SLC38A4: variants seen among roughly 807,000 people sequenced by gnomAD.
SLC38A4 encodes the protein sodium-coupled neutral amino acid transporter 4.
SLC38A4 carries 20 observed loss-of-function variants against 63.1 expected under a neutral mutation model. The observed-to-expected ratio is 0.32, with a 90% CI of 0.22 to 0.46. The LOEUF is 0.46. Among genes scored for constraint, SLC38A4 ranks in the 20% least tolerant of loss-of-function variants. SLC38A4 has a pLI of 1.00. For missense variants in SLC38A4, 526 were observed against 663.6 expected (o/e 0.79, Z 2.28); for synonymous variants, 230 against 225.5 (o/e 1.02, Z -0.18).
intron 13 of SLC38A4, among the ~76,000 whole-genome samples, chr12:46,776,442 C>G (rs544916607): frequency 6.6e-6 from 1 of 151,908 alleles, no homozygotes; most frequent in Non-Finnish European, 1.5e-5. Flanking sequence ...AGAAATTTTA[C>G]CTAAAGTCCC....
At chr12:46,783,020 A>ATGTGTG (rs71437771) in intron 7 of SLC38A4, among the ~76,000 whole-genome samples, 12,565 of 103,538 alleles carry the variant, frequency 0.12, 835 homozygotes, top group Admixed American at 0.2. Context: ...GAGAGAGAAA[A>ATGTGTG]TGTGTGTGTG....
At chr12:46,813,143 C>T (rs1354624477) in intron 1 of SLC38A4, among the ~76,000 whole-genome samples, 2 of 151,844 alleles carry the variant, frequency 1.3e-5, no homozygotes, top group Non-Finnish European at 2.9e-5. Flanking sequence ...GACCATAAGC[C>T]TTAAGATAAC....
chr12:46,829,827 C>T (rs1017767182), upstream of SLC38A4, among the ~76,000 whole-genome samples: 1 of 152,170 alleles, frequency 6.6e-6, no homozygotes, highest in African/African-American at 2.4e-5. Flanking sequence ...CGTTTATGAA[C>T]AATTAATGCC....
At chr12:46,817,273 C>T (rs909220188) in intron 1 of SLC38A4, among the ~76,000 whole-genome samples, 25 of 151,784 alleles carry the variant, frequency 1.6e-4, no homozygotes, top group African/African-American at 6.0e-4. Context: ...TGTAGATAAA[C>T]ACATACCAGA....
chr12:46,789,731 A>G (rs1938841386), intron 3 of SLC38A4, among the ~76,000 whole-genome samples: 1 of 152,206 alleles, frequency 6.6e-6, no homozygotes. Flanking sequence ...GACATTTCCT[A>G]CATGAAAAGA....
intron 12 of SLC38A4, among the ~76,000 whole-genome samples, chr12:46,777,495 G>A (rs1938554142): frequency 6.6e-6 from 1 of 151,988 alleles, no homozygotes; most frequent in African/African-American, 2.4e-5. Context: ...ACTGCTACAT[G>A]TAATTTTCAA....
intron 3 of SLC38A4, among the ~76,000 whole-genome samples, chr12:46,790,127 A>G (rs939255907): frequency 6.6e-6 from 1 of 152,172 alleles, no homozygotes; most frequent in Non-Finnish European, 1.5e-5. Flanking sequence ...GAAAATAATT[A>G]TTGTAGGAGA....
intron 15 of SLC38A4, among the ~76,000 whole-genome samples, chr12:46,769,011 C>G (rs567363555): frequency 6.6e-5 from 10 of 152,142 alleles, no homozygotes; most frequent in Non-Finnish European, 1.5e-4. Context: ...AATCCTGGGT[C>G]CACACCAAGG....
At chr12:46,788,068 G>C (rs1938800775) in intron 4 of SLC38A4, 37 bp from the exon 5 acceptor site, 1 of 1,495,360 alleles carries the variant, frequency 6.7e-7, no homozygotes, top group African/African-American at 1.4e-5. Flanking sequence ...GCAAACATTT[G>C]CCAAAGGGCA....
chr12:46,790,088 A>G (rs1350663420), intron 3 of SLC38A4, among the ~76,000 whole-genome samples: 2 of 152,200 alleles, frequency 1.3e-5, no homozygotes, highest in African/African-American at 2.4e-5. Flanking sequence ...GTCTCAATAA[A>G]TAAATAAATA....
Position 46,766,415 on chromosome 12 carries a change from T to A in SLC38A4, c.*286A>T. 1 of 525,544 alleles carries A rather than the reference T, an allele frequency of 1.9e-6. No individual in the cohort carries two copies. The highest frequency in any genetic ancestry group is 3.7e-6 in the Non-Finnish European group (1 of 272,730). The allele number at this position is 525,544 out of a possible 1,614,324, so 32.6% of individuals were successfully genotyped here. A position where few individuals can be genotyped will look rare whatever the true frequency, so the allele number is the denominator to read the frequency against. On this transcript the variant is annotated 3_prime_UTR_variant, in exon 17 of 17. Coordinates refer to ENST00000266579, the MANE Select transcript of SLC38A4 (RefSeq NM_018018.5). ...GATTGTTACATGCAGTTACCCTTAT[T>A]CTGCTCGTAAAGCAGCAAAAATACA...
At chr12:46,791,373 G>C (rs1485977986) in intron 3 of SLC38A4, among the ~76,000 whole-genome samples, 1 of 152,120 alleles carries the variant, frequency 6.6e-6, no homozygotes, top group African/African-American at 2.4e-5. Context: ...TAGCACCCTA[G>C]TGTTTCTTCA....
intron 1 of SLC38A4, among the ~76,000 whole-genome samples, chr12:46,820,297 T>C (rs562322476): frequency 2.6e-5 from 4 of 152,096 alleles, no homozygotes; most frequent in South Asian, 2.1e-4. Context: ...TCTTGCATAA[T>C]TAAAACTTTA....
Position 46,765,814 on chromosome 12 carries a change from A to AAT in SLC38A4, c.*885_*886dup, listed in dbSNP as rs1938286333. 6.3e-6 allele frequency: 1 copy of AAT among 157,850 alleles called. No homozygotes were observed. The highest frequency in any genetic ancestry group is 1.4e-5 in the Non-Finnish European group (1 of 71,360). The allele number at this position is 157,850 out of a possible 1,614,324, so 9.8% of individuals were successfully genotyped here. ...TTTATCAAATAAAAATGTATCAAACAATACTGGGTAGTGTATCTCCACGAT... is the reference window on the plus strand; with the variant it reads ...TTTATCAAATAAAAATGTATCAAACAATATACTGGGTAGTGTATCTCCACGAT... On this transcript the variant is annotated 3_prime_UTR_variant, in exon 17 of 17. Coordinates refer to ENST00000266579, the MANE Select transcript of SLC38A4 (RefSeq NM_018018.5).
intron 1 of SLC38A4, among the ~76,000 whole-genome samples, chr12:46,831,216 C>A (rs1939727149): frequency 1.3e-5 from 2 of 152,216 alleles, no homozygotes; most frequent in Admixed American, 1.3e-4. Context: ...TACCTCACCG[C>A]GCGCTGCCTG....
intron 3 of SLC38A4, among the ~76,000 whole-genome samples, chr12:46,792,296 C>A (rs978876556): frequency 6.6e-6 from 1 of 151,940 alleles, no homozygotes; most frequent in South Asian, 2.1e-4. Context: ...TATGACTGAC[C>A]GTTGGCTATG....
intron 14 of SLC38A4, among the ~76,000 whole-genome samples, chr12:46,773,988 T>C (rs1938473695): frequency 6.6e-6 from 1 of 152,066 alleles, no homozygotes; most frequent in Admixed American, 6.6e-5. Flanking sequence ...GTATACCTTC[T>C]GTTTATAGTT....
intron 1 of SLC38A4, among the ~76,000 whole-genome samples, chr12:46,824,642 A>C (rs573393765): frequency 6.6e-6 from 1 of 152,358 alleles, no homozygotes; most frequent in Admixed American, 6.5e-5. Context: ...GAGTGTAAAA[A>C]GAAAAAAACT....
intron 1 of SLC38A4, among the ~76,000 whole-genome samples, chr12:46,816,612 T>C (rs974660276): frequency 2.6e-5 from 4 of 151,916 alleles, no homozygotes; most frequent in Non-Finnish European, 5.9e-5. Flanking sequence ...TTTGGTGGCC[T>C]AAACCTTATA....
Sources: allele counts gnomAD v4.1 joint callset (sites outside exome capture counted in the v4.1 genomes callset), GRCh38; gene constraint gnomAD v4.1.1; transcripts MANE v1.5; gene names NCBI Gene and HGNC (gene_info 2026-07-23, HGNC 2026-07-21).